Variants in PLS1 observed in about 807,000 individuals in gnomAD.
The protein encoded by PLS1 is plastin-1.
A neutral mutation model predicts 73.7 loss-of-function variants in PLS1; 32 were observed. The observed-to-expected ratio is 0.43, with a 90% CI of 0.33 to 0.58. The LOEUF is 0.58. Among genes scored for constraint, PLS1 ranks in the 20% least tolerant of loss-of-function variants. The pLI is 0.04. For synonymous variants in PLS1, 217 were observed against 261.3 expected, an observed-to-expected ratio of 0.83 and a Z score of 1.63; for missense variants, 633 against 740.5, an observed-to-expected ratio of 0.85 and a Z score of 1.68.
chr3:142,643,825 A>ATT lies in PLS1; in HGVS notation c.-36-20357_-36-20356dup, dbSNP rs67216911. Among the ~76,000 whole-genome samples the ATT allele has an allele frequency of 2.0e-4, 24 of 122,890 alleles. 1 individual carries two copies. The highest frequency in any genetic ancestry group is 5.5e-4 in the African/African-American group (17 of 31,026). The allele number at this position is 122,890 out of a possible 152,430, so 80.6% of individuals were successfully genotyped here. A position where few individuals can be genotyped will look rare whatever the true frequency, so the allele number is the denominator to read the frequency against. On this transcript the variant is annotated intron_variant, in intron 1 of 15. Coordinates refer to ENST00000457734, the MANE Select transcript of PLS1 (RefSeq NM_001145319.2). ...CTGCTCTTGTTAATTTCTTCATTTC[A>ATT]TTTTTTTTTTTTTTTTTTTTTGAAA...
At position 142,704,900 on chromosome 3, in the gene PLS1, C is replaced by T. The variant is rs528854967; in HGVS notation, c.1629+314C>T. 2.0e-4 allele frequency among the ~76,000 whole-genome samples: 30 copies of T among 151,112 alleles called. No homozygotes were observed. The South Asian group carries it at 5.0e-3, about 25-fold the overall frequency. On this transcript the variant is annotated intron_variant, in intron 14 of 15. Transcript: ENST00000457734. ...GTCTCGCTCTCCTGACCTCGTGATCCGCCCGCCTCAGCCTCCCAAAGTGTT... is the reference window on the plus strand; with the variant it reads ...GTCTCGCTCTCCTGACCTCGTGATCTGCCCGCCTCAGCCTCCCAAAGTGTT...
chr3:142,680,904 C>T (rs2037838943), intron 6 of PLS1, among the ~76,000 whole-genome samples: 1 of 152,212 alleles, frequency 6.6e-6, no homozygotes, highest in Non-Finnish European at 1.5e-5. Context: ...CACTGTGTTA[C>T]ACTGCCACTC....
chr3:142,605,412 T>C (rs908627103), intron 1 of PLS1, among the ~76,000 whole-genome samples: 2 of 152,178 alleles, frequency 1.3e-5, no homozygotes, highest in Non-Finnish European at 2.9e-5. Flanking sequence ...GCTCCGTTGC[T>C]CAGGCTGGAG....
intron 1 of PLS1, among the ~76,000 whole-genome samples, chr3:142,600,002 C>G (rs964633255): frequency 2.0e-5 from 3 of 152,118 alleles, no homozygotes; most frequent in Non-Finnish European, 4.4e-5. Flanking sequence ...CCTGCCTCAG[C>G]CTCCCAATGT....
chr3:142,675,480 T>A (rs2037701900), intron 4 of PLS1, among the ~76,000 whole-genome samples: 1 of 152,116 alleles, frequency 6.6e-6, no homozygotes, highest in African/African-American at 2.4e-5. Flanking sequence ...CCTCCTGGGT[T>A]CATGTCATTC....
rs577130010 is a variant in PLS1, at chr3:142,599,754, A to T, written c.-37+3245A>T. On this transcript the variant is annotated intron_variant, in intron 1 of 15. Transcript: ENST00000457734. ...GGTTGTTGGCCCCACGATTATTTTT[A>T]TTTATTTATTTATTTTTTGAGACAG... Among the ~76,000 whole-genome samples the T allele has an allele frequency of 5.9e-3, 583 of 98,548 alleles. 11 individuals carry two copies. Among genetic ancestry groups the T allele is most frequent in the African/African-American group, 0.029 (569 of 19,746 alleles). 64.7% of individuals were successfully genotyped at this position (98,548 alleles called of 152,430 possible). A position where few individuals can be genotyped will look rare whatever the true frequency, so the allele number is the denominator to read the frequency against.
intron 1 of PLS1, among the ~76,000 whole-genome samples, chr3:142,598,856 G>T (rs911605847): frequency 6.6e-6 from 1 of 151,882 alleles, no homozygotes. Context: ...AATTAGCTGG[G>T]GGGGCATGGT....
intron 1 of PLS1, among the ~76,000 whole-genome samples, chr3:142,643,053 T>A (rs1437329579): frequency 6.6e-6 from 1 of 152,164 alleles, no homozygotes; most frequent in Non-Finnish European, 1.5e-5. Flanking sequence ...AAGAGTTGGA[T>A]CTTTAGGTGG....
At chr3:142,637,590 C>T (rs1441610150) in intron 1 of PLS1, among the ~76,000 whole-genome samples, 2 of 151,962 alleles carry the variant, frequency 1.3e-5, no homozygotes, top group African/African-American at 4.8e-5. Flanking sequence ...TCATGAAAAG[C>T]TTTAACATCA....
At position 142,656,709 on chromosome 3, in the gene PLS1, G is replaced by T. The variant is rs1163483196; in HGVS notation, c.-36-7493G>T. On this transcript the variant is annotated intron_variant, in intron 1 of 15. Coordinates refer to ENST00000457734, the MANE Select transcript of PLS1 (RefSeq NM_001145319.2). ...TCATAGCTGTTTTTTTTCACATAGT[G>T]ATTTATTTCAGTGACCTTGTGATCT... 2.0e-5 allele frequency: 3 copies of T among 152,068 alleles called. No individual in the cohort carries two copies. In the East Asian group the frequency reaches 5.8e-4, roughly 29 times the overall value. 9.4% of individuals were successfully genotyped at this position (152,068 alleles called of 1,614,324 possible).
chr3:142,606,117 A>G (rs2036012873), intron 1 of PLS1, among the ~76,000 whole-genome samples: 1 of 152,236 alleles, frequency 6.6e-6, no homozygotes, highest in Non-Finnish European at 1.5e-5. Context: ...AAGGGTACAC[A>G]ATGATACCCA....
Position 142,689,758 on chromosome 3 carries a change from A to G in PLS1, c.1122A>G (p.Thr374=), listed in dbSNP as rs1447726991. ...NLAFVANLFN[T]YPCLHKPNNN... is the part of the protein sequence containing the mutation. Reference sequence around the variant, plus strand: ...CTTTTGTAGCTAATTTGTTTAACACATACCCGTGCCTGCACAAGCCGAATA... The same window carrying G: ...CTTTTGTAGCTAATTTGTTTAACACGTACCCGTGCCTGCACAAGCCGAATA... The change falls in exon 10 of 16, where the codon ACA becomes ACG. Residue 374 remains threonine (T), a synonymous_variant. Coordinates refer to ENST00000457734, the MANE Select transcript of PLS1 (RefSeq NM_001145319.2). 3.1e-6 allele frequency: 5 copies of G among 1,610,024 alleles called. No homozygotes were observed. Among genetic ancestry groups the G allele is most frequent in the Non-Finnish European group, 4.2e-6 (5 of 1,178,106 alleles).
At chr3:142,598,134 C>T (rs1262355467) in intron 1 of PLS1, among the ~76,000 whole-genome samples, 1 of 152,150 alleles carries the variant, frequency 6.6e-6, no homozygotes, top group African/African-American at 2.4e-5. Flanking sequence ...CTCTTCTGAA[C>T]CCTATAGCAC....
intron 2 of PLS1, among the ~76,000 whole-genome samples, chr3:142,665,676 A>T (rs2107831422): frequency 6.6e-6 from 1 of 152,342 alleles, no homozygotes; most frequent in East Asian, 1.9e-4. Context: ...TGGTAAAATA[A>T]ATGAATTAGT....
At chr3:142,706,329 A>T (rs1203525017) in intron 14 of PLS1, among the ~76,000 whole-genome samples, 1 of 152,202 alleles carries the variant, frequency 6.6e-6, no homozygotes, top group Non-Finnish European at 1.5e-5. Context: ...ATCATTTCCA[A>T]TTGAATGGTC....
At chr3:142,693,514 T>A (rs2038129309) in intron 10 of PLS1, among the ~76,000 whole-genome samples, 1 of 152,098 alleles carries the variant, frequency 6.6e-6, no homozygotes. Flanking sequence ...AATGTTTCAG[T>A]TTTTCAGGAG....
intron 14 of PLS1, 72 bp from the exon 15 acceptor site, chr3:142,711,428 TC>T: frequency 8.6e-7 from 1 of 1,159,546 alleles, no homozygotes; most frequent in Non-Finnish European, 1.2e-6. Context: ...AGTTATATGA[TC>T]AGAAGAGTCT....
intron 1 of PLS1, among the ~76,000 whole-genome samples, chr3:142,619,092 T>G (rs1015480546): frequency 1.3e-5 from 2 of 152,168 alleles, no homozygotes; most frequent in African/African-American, 4.8e-5. Flanking sequence ...TAACTGGATA[T>G]CTTTCTAAAT....
intron 1 of PLS1, among the ~76,000 whole-genome samples, chr3:142,597,060 CTT>C (rs2108524996): frequency 6.6e-6 from 1 of 152,246 alleles, no homozygotes; most frequent in East Asian, 1.9e-4. Context: ...CAAGTGGAGA[CTT>C]AAAAAAATTT....
Sources: gnomAD v4.1 joint callset for allele counts (sites outside exome capture counted in the v4.1 genomes callset) on GRCh38, gnomAD v4.1.1 for gene constraint, MANE v1.5 for transcripts, NCBI Gene and HGNC (gene_info 2026-07-23, HGNC 2026-07-21) for gene names.